NRG3: variants seen among roughly 807,000 people sequenced by gnomAD.
NRG3 encodes neuregulin 3, also known as pro-neuregulin-3, membrane-bound isoform.
Under a neutral mutation model 66.9 loss-of-function variants are expected in NRG3, and 31 were observed. That is an observed-to-expected ratio of 0.46 (90% CI 0.35 to 0.63). The LOEUF is 0.63. Among genes scored for constraint, NRG3 ranks in the 20% least tolerant of loss-of-function variants. NRG3 has a pLI of 0.00. For missense variants in NRG3, 910 were observed against 878.9 expected, an observed-to-expected ratio of 1.04 and a Z score of -0.45; for synonymous variants, 393 against 359.4, an observed-to-expected ratio of 1.09 and a Z score of -1.06.
chr10:82,459,121 C>A (rs1167998460), intron 2 of NRG3, among the ~76,000 whole-genome samples: 2 of 152,152 alleles, frequency 1.3e-5, no homozygotes, highest in African/African-American at 2.4e-5. Context: ...TCACTGGGGC[C>A]ACTGTAGAAT....
At chr10:82,005,977 G>A (rs951235678) in intron 1 of NRG3, among the ~76,000 whole-genome samples, 1 of 151,184 alleles carries the variant, frequency 6.6e-6, no homozygotes, top group Non-Finnish European at 1.5e-5. Context: ...AAACACATGA[G>A]TTTTTTTAGC....
At chr10:82,102,100 A>G (rs1445124007) in intron 1 of NRG3, among the ~76,000 whole-genome samples, 1 of 121,152 alleles carries the variant, frequency 8.3e-6, no homozygotes, top group Non-Finnish European at 1.6e-5. Flanking sequence ...ATTCATATAT[A>G]TATATGTGTA....
At chr10:82,363,196 G>A (rs769169798) in intron 2 of NRG3, among the ~76,000 whole-genome samples, 12 of 152,050 alleles carry the variant, frequency 7.9e-5, no homozygotes, top group Non-Finnish European at 1.5e-4. Context: ...ACAAAGGGGA[G>A]GAACATAATC....
In NRG3 at chr10:82,889,378, T is replaced by C. The variant is rs547071690; in HGVS notation, c.1054+23941T>C. ...TAACTGAAAAGATGTTTTGAACTTC[T>C]TAGAATGAGGAAGACCTTGAGAGAA... On this transcript the variant is annotated intron_variant, in intron 4 of 8. Transcript: ENST00000372141. Among the ~76,000 whole-genome samples, 18 of 152,266 alleles carry C rather than the reference T, an allele frequency of 1.2e-4. 1 individual carries two copies. In the East Asian group the frequency reaches 3.5e-3, roughly 30 times the overall value.
At chr10:82,433,306 G>T (rs188085168) in intron 2 of NRG3, among the ~76,000 whole-genome samples, 2 of 152,122 alleles carry the variant, frequency 1.3e-5, no homozygotes, top group Admixed American at 1.3e-4. Flanking sequence ...ATGTTTTGAT[G>T]GGGTTGTTTG....
chr10:82,721,552 AG>A (rs1028003889), intron 2 of NRG3, among the ~76,000 whole-genome samples: 1 of 152,048 alleles, frequency 6.6e-6, no homozygotes, highest in African/African-American at 2.4e-5. Context: ...CCTTTCGAGT[AG>A]CTAGGATTAC....
At chr10:82,433,395 T>G (rs1467120635) in intron 2 of NRG3, among the ~76,000 whole-genome samples, 1 of 152,232 alleles carries the variant, frequency 6.6e-6, no homozygotes, top group African/African-American at 2.4e-5. Context: ...ATTGCAAAAG[T>G]GTTCTCCCAT....
At chr10:81,896,354 C>T (rs934495935) in intron 1 of NRG3, among the ~76,000 whole-genome samples, 2 of 152,118 alleles carry the variant, frequency 1.3e-5, no homozygotes, top group Non-Finnish European at 2.9e-5. Flanking sequence ...CTCTCTCTCA[C>T]TTTCTCGCCA....
At chr10:81,894,618 C>T (rs766504915) in intron 1 of NRG3, among the ~76,000 whole-genome samples, 15 of 152,160 alleles carry the variant, frequency 9.9e-5, no homozygotes, top group East Asian at 1.9e-4. Flanking sequence ...CAGAAACACA[C>T]GCACTAATCA....
rs558340252 is a variant in NRG3 at position 82,636,823 on chromosome 10, T to G, written c.954-101754T>G. On this transcript the variant is annotated intron_variant, in intron 2 of 8. Transcript: ENST00000372141. The stretch of plus-strand genomic sequence containing the variant: ...TTTAATCTCTTGTGGGCTGTGTGTG[T>G]GTGTGTGTGTGAGAGAGAGAGTGTG... Among the ~76,000 whole-genome samples, 45 of 151,880 alleles carry G rather than the reference T, an allele frequency of 3.0e-4. 1 individual carries two copies. The South Asian group carries it at 9.0e-3, about 30-fold the overall frequency.
chr10:82,002,944 C>A lies in NRG3; in HGVS notation c.823+126781C>A, dbSNP rs564305902. Among the ~76,000 whole-genome samples the A allele has an allele frequency of 1.8e-4, 27 of 152,256 alleles. No homozygotes were observed. The Middle Eastern group carries it at 0.01, about 58-fold the overall frequency. On this transcript the variant is annotated intron_variant, in intron 1 of 8. Transcript: ENST00000372141. ...GGGAGAGCAGTGTTATTATCTAACTCACATTTTGAAAAGATCACTCTGATT... is the reference window on the plus strand; with the variant it reads ...GGGAGAGCAGTGTTATTATCTAACTAACATTTTGAAAAGATCACTCTGATT...
At chr10:82,076,856 A>G (rs1459668230) in intron 1 of NRG3, among the ~76,000 whole-genome samples, 2 of 152,208 alleles carry the variant, frequency 1.3e-5, no homozygotes, top group Non-Finnish European at 2.9e-5. Context: ...ATCCAGTCTC[A>G]GGTATTCCTC....
chr10:82,922,559 A>T (rs1846543447), intron 4 of NRG3, among the ~76,000 whole-genome samples: 1 of 152,178 alleles, frequency 6.6e-6, no homozygotes, highest in Non-Finnish European at 1.5e-5. Context: ...CTTGATAAAC[A>T]GACGCTGGAG....
At chr10:82,473,673 G>A (rs113978300) in intron 2 of NRG3, among the ~76,000 whole-genome samples, 211 of 152,326 alleles carry the variant, frequency 1.4e-3, no homozygotes, top group African/African-American at 4.9e-3. Context: ...GTATGAGGGA[G>A]TTGGTGGCCC....
At chr10:82,902,657 T>C (rs1199289828) in intron 4 of NRG3, among the ~76,000 whole-genome samples, 1 of 152,140 alleles carries the variant, frequency 6.6e-6, no homozygotes, top group Non-Finnish European at 1.5e-5. Flanking sequence ...CATCATCAAT[T>C]ATGTATTTAA....
chr10:82,078,368 C>G (rs1012532087), intron 1 of NRG3, among the ~76,000 whole-genome samples: 1 of 152,066 alleles, frequency 6.6e-6, no homozygotes, highest in Non-Finnish European at 1.5e-5. Context: ...TGTTATTTTT[C>G]GAGACAGAAT....
At chr10:82,003,251 T>C (rs2061243562) in intron 1 of NRG3, among the ~76,000 whole-genome samples, 2 of 152,174 alleles carry the variant, frequency 1.3e-5, no homozygotes, top group African/African-American at 4.8e-5. Context: ...GGAAATATTA[T>C]GTTTGAGGCT....
intron 2 of NRG3, among the ~76,000 whole-genome samples, chr10:82,733,383 T>A (rs1454385215): frequency 1.3e-5 from 2 of 152,192 alleles, no homozygotes; most frequent in Non-Finnish European, 2.9e-5. Context: ...CCATCTCATT[T>A]TTTTGGGGGG....
At position 82,040,458 on chromosome 10, in the gene NRG3, A is replaced by G. The variant is rs145252291; in HGVS notation, c.823+164295A>G. Among the ~76,000 whole-genome samples, 1,035 of 151,950 alleles carry G rather than the reference A, an allele frequency of 6.8e-3. 8 individuals carry two copies. The highest frequency in any genetic ancestry group is 0.01 in the Middle Eastern group (3 of 292). ...ATATCTTTCTTTTTTATCCATGAGGACTGAACTTTGCCTAACTGAAAAATC... is the reference window on the plus strand; with the variant it reads ...ATATCTTTCTTTTTTATCCATGAGGGCTGAACTTTGCCTAACTGAAAAATC... On this transcript the variant is annotated intron_variant, in intron 1 of 8. Transcript: ENST00000372141.
Sources: allele counts gnomAD v4.1 joint callset (sites outside exome capture counted in the v4.1 genomes callset), GRCh38; gene constraint gnomAD v4.1.1; transcripts MANE v1.5; gene names NCBI Gene and HGNC (gene_info 2026-07-23, HGNC 2026-07-21).